The following POSTN variants were observed in gnomAD, a reference collection of about 807,000 sequenced individuals.
The protein encoded by POSTN is osteoblast specific factor 2 (fasciclin I-like).
POSTN carries 71 observed loss-of-function variants against 104.5 expected under a neutral mutation model. The observed-to-expected ratio is 0.68, with a 90% CI of 0.56 to 0.83. The LOEUF is 0.83. POSTN is among the 40% of genes least tolerant of loss of function. The pLI is 0.00. For missense variants in POSTN, 949 were observed against 1,006.8 expected (o/e 0.94, Z 0.78); for synonymous variants, 355 against 340.7 (o/e 1.04, Z -0.46).
At chr13:37,588,046 C>G (rs1391281257) in intron 4 of POSTN, 60 bp from the exon 5 acceptor site, 2 of 1,332,782 alleles carry the variant, frequency 1.5e-6, no homozygotes, top group Non-Finnish European at 2.1e-6. Flanking sequence ...AAAAGTCTTA[C>G]GATCACCCTA....
chr13:37,582,186 A>G (rs1950610403), intron 10 of POSTN, among the ~76,000 whole-genome samples, 180 bp downstream of exon 10: 1 of 152,252 alleles, frequency 6.6e-6, no homozygotes, highest in African/African-American at 2.4e-5. Flanking sequence ...AGTTTTGAAT[A>G]CATAGCACTT....
Position 37,580,011 on chromosome 13 carries a change from A to T in POSTN, c.1530-20T>A. 1 of 1,607,782 alleles carries T rather than the reference A, an allele frequency of 6.2e-7. No individual in the cohort carries two copies. Among genetic ancestry groups the T allele is most frequent in the Non-Finnish European group, 8.5e-7 (1 of 1,175,896 alleles). Reference sequence around the variant, plus strand: ...AAGGTGCTAAGTGGGAAGAATGTATATGTATTTTGTCAGATTTAGATTTAG... The same window carrying T: ...AAGGTGCTAAGTGGGAAGAATGTATTTGTATTTTGTCAGATTTAGATTTAG... On this transcript the variant is annotated intron_variant, in intron 11 of 22. Coordinates refer to ENST00000379747, the MANE Select transcript of POSTN (RefSeq NM_006475.3).
chr13:37,597,022 G>T (rs1378808032), intron 2 of POSTN, among the ~76,000 whole-genome samples, 162 bp downstream of exon 2: 1 of 152,118 alleles, frequency 6.6e-6, no homozygotes, highest in Non-Finnish European at 1.5e-5. Flanking sequence ...GATGCAGGGA[G>T]AACTTCTTTA....
At chr13:37,564,044 T>C (rs1950006466) in intron 22 of POSTN, among the ~76,000 whole-genome samples, 5 of 151,116 alleles carry the variant, frequency 3.3e-5, no homozygotes, top group Admixed American at 3.3e-4. Context: ...TGTAGCATTG[T>C]CTCACATAAT....
In POSTN at chr13:37,592,088, T is replaced by C; in HGVS notation, c.283+12A>G. On this transcript the variant is annotated intron_variant, in intron 3 of 22. Transcript: ENST00000379747. ...ATAATTCCTTATTTAATTCAAAAAATTGAGATTTTACCTGCTGGGCAGCCT... is the reference window on the plus strand; with the variant it reads ...ATAATTCCTTATTTAATTCAAAAAACTGAGATTTTACCTGCTGGGCAGCCT... The C allele has an allele frequency of 6.3e-7, 1 of 1,587,794 alleles. No individual in the cohort carries two copies. Among genetic ancestry groups the C allele is most frequent in the Non-Finnish European group, 8.6e-7 (1 of 1,157,128 alleles).
In POSTN at chr13:37,579,092, C is replaced by A; in HGVS notation, c.1821G>T (p.Leu607Phe). ...TCATGATGTCAGATTCTTTTGATTT[C>A]AATTCATTCACCAGAAGTGTATCAT... is the stretch of plus-strand genomic sequence containing the variant. ...EVNDTLLVNE[L>F]KSKESDIMTT... The change falls in exon 14 of 23, where the codon TTG (leucine) becomes TTT (phenylalanine). Residue 607 changes from leucine (L) to phenylalanine (F), a missense_variant. Physicochemically the swap from Leu to Phe is conservative, Grantham distance 22 (BLOSUM62 0). Coordinates refer to ENST00000379747, the MANE Select transcript of POSTN (RefSeq NM_006475.3). 6.2e-7 allele frequency: 1 copy of A among 1,613,022 alleles called. No homozygotes were observed. Among genetic ancestry groups the A allele is most frequent in the Non-Finnish European group, 8.5e-7 (1 of 1,179,500 alleles).
At chr13:37,590,299 A>G (rs1448174039) in intron 4 of POSTN, 73 bp downstream of exon 4, 3 of 1,228,184 alleles carry the variant, frequency 2.4e-6, no homozygotes, top group Non-Finnish European at 3.3e-6. Flanking sequence ...CTAATATCCA[A>G]GTTAATAAGT....
intron 3 of POSTN, 50 bp downstream of exon 3, chr13:37,592,050 C>T: frequency 1.5e-6 from 2 of 1,357,044 alleles, no homozygotes; most frequent in Non-Finnish European, 2.1e-6. Flanking sequence ...CCACCTCAAC[C>T]CTTTCTTTGC....
At chr13:37,581,950 A>G (rs562399816) in intron 10 of POSTN, among the ~76,000 whole-genome samples, 2 of 152,360 alleles carry the variant, frequency 1.3e-5, no homozygotes, top group South Asian at 2.1e-4. Context: ...TAGTCAATGC[A>G]GAAACTAATC....
intron 2 of POSTN, among the ~76,000 whole-genome samples, chr13:37,595,038 A>G (rs1286219739): frequency 8.0e-6 from 1 of 125,182 alleles, no homozygotes; most frequent in Non-Finnish European, 1.7e-5. Context: ...GCCAGGCTTC[A>G]AAGTAGTGAT....
chr13:37,587,680 T>A (rs964404885), intron 5 of POSTN, 142 bp downstream of exon 5: 11 of 641,522 alleles, frequency 1.7e-5, no homozygotes, highest in Admixed American at 3.8e-5. Context: ...TTACATGCCC[T>A]AGATTTGGGG....
In POSTN at chr13:37,586,412, A is replaced by G. The variant is rs894791798; in HGVS notation, c.754-132T>C. On this transcript the variant is annotated intron_variant, in intron 6 of 22. Transcript: ENST00000379747. ...GAGGTTTGTTGTTGTTAAATCTTCA[A>G]AATATTACTTTTTGACACAACCATG... The G allele has an allele frequency of 8.1e-6, 8 of 988,480 alleles. No homozygotes were observed. The African/African-American group carries it at 1.1e-4, about 14-fold the overall frequency. The allele number at this position is 988,480 out of a possible 1,614,324, so 61.2% of individuals were successfully genotyped here. A position where few individuals can be genotyped will look rare whatever the true frequency, so the allele number is the denominator to read the frequency against.
intron 9 of POSTN, 119 bp downstream of exon 9, chr13:37,583,850 C>G: frequency 8.4e-7 from 1 of 1,194,074 alleles, no homozygotes; most frequent in Non-Finnish European, 1.2e-6. Flanking sequence ...GTATGTGTAG[C>G]CAATGCAGAA....
intron 1 of POSTN, 103 bp downstream of exon 1, chr13:37,598,504 GA>G (rs897653895): frequency 2.0e-5 from 20 of 1,017,118 alleles, no homozygotes; most frequent in Middle Eastern, 2.3e-4. Context: ...TAATAATTAG[GA>G]AAAAAAACCC....
chr13:37,570,247 A>T (rs1950225248), intron 19 of POSTN, among the ~76,000 whole-genome samples: 1 of 151,866 alleles, frequency 6.6e-6, no homozygotes, highest in Non-Finnish European at 1.5e-5. Flanking sequence ...ATGGAAGCTC[A>T]AATGAGGAAA....
At position 37,564,549 on chromosome 13, in the gene POSTN, T is replaced by C; in HGVS notation, c.2443A>G (p.Arg815Gly). Reference sequence around the variant, plus strand: ...ACTTTTTTGTTGGCTTGCAACTTCCTCACGGGTGTGTCTAAAATTAAATTG... The same window carrying C: ...ACTTTTTTGTTGGCTTGCAACTTCCCCACGGGTGTGTCTAAAATTAAATTG... ...KRLLQGDTPV[R>G]KLQANKKVQG... Residue 815 changes from arginine to glycine, a missense_variant, in exon 22 of 23, where the codon AGG (arginine) becomes GGG (glycine). Coordinates refer to ENST00000379747, the MANE Select transcript of POSTN (RefSeq NM_006475.3). 6.2e-7 allele frequency: 1 copy of C among 1,600,034 alleles called. No homozygotes were observed. The highest frequency in any genetic ancestry group is 1.1e-5 in the South Asian group (1 of 89,824).
At chr13:37,586,075 G>A in intron 7 of POSTN, 64 bp downstream of exon 7, 1 of 1,463,110 alleles carries the variant, frequency 6.8e-7, no homozygotes, top group South Asian at 1.5e-5. Context: ...GTAAGGACTA[G>A]CCTCTTTTTT....
At chr13:37,593,130 A>C (rs1177891146) in intron 2 of POSTN, among the ~76,000 whole-genome samples, 2 of 151,288 alleles carry the variant, frequency 1.3e-5, no homozygotes, top group African/African-American at 4.8e-5. Context: ...AAAGTTAACG[A>C]AGTGTGTTAA....
At chr13:37,575,290 T>A (rs1282856936) in intron 16 of POSTN, among the ~76,000 whole-genome samples, 2 of 151,686 alleles carry the variant, frequency 1.3e-5, no homozygotes, top group South Asian at 2.1e-4. Context: ...TTTTTTTTTT[T>A]AATTTAAAGG....
Sources: gnomAD v4.1 joint callset for allele counts (sites outside exome capture counted in the v4.1 genomes callset) on GRCh38, gnomAD v4.1.1 for gene constraint, MANE v1.5 for transcripts, NCBI Gene and HGNC (gene_info 2026-07-23, HGNC 2026-07-21) for gene names.